EP300: variants seen among roughly 807,000 people sequenced by gnomAD.
The protein encoded by EP300 is histone acetyltransferase p300.
EP300 carries 31 observed loss-of-function variants against 264.0 expected under a neutral mutation model. That is an observed-to-expected ratio of 0.12 (90% CI 0.09 to 0.16). EP300 has a LOEUF of 0.16. Among genes scored for constraint, EP300 ranks in the 10% least tolerant of loss-of-function variants. EP300 has a pLI of 1.00. For missense variants in EP300, 2,766 were observed against 3,052.9 expected (o/e 0.91, Z 2.21); for synonymous variants, 1,340 against 1,045.4 (o/e 1.28, Z -5.44).
At chr22:41,153,681 T>C (rs759012470) in intron 16 of EP300, among the ~76,000 whole-genome samples, 4 of 152,180 alleles carry the variant, frequency 2.6e-5, no homozygotes, top group Non-Finnish European at 4.4e-5. Flanking sequence ...ACCCGGGAGA[T>C]GGAAGGAGGT....
At position 41,162,715 on chromosome 22, in the gene EP300, C is replaced by G; in HGVS notation, c.3672-8C>G. On this transcript the variant is annotated splice_polypyrimidine_tract_variant and splice_region_variant and intron_variant, in intron 20 of 30. Transcript: ENST00000263253. ...CTTTTTCTCATTGTGTCCCTTTTCT[C>G]TCCTTAGTACAATAAATAAAGAACA... The G allele has an allele frequency of 6.2e-7, 1 of 1,607,562 alleles. No individual in the cohort carries two copies. The highest frequency in any genetic ancestry group is 8.5e-7 in the Non-Finnish European group (1 of 1,174,138).
At chr22:41,165,476 TG>T (rs2059129150) in intron 22 of EP300, among the ~76,000 whole-genome samples, 1 of 152,168 alleles carries the variant, frequency 6.6e-6, no homozygotes, top group African/African-American at 2.4e-5. Context: ...CAGGCTGGAG[TG>T]CAGTGGCGCG....
rs1244699705 is a variant in EP300 at position 41,178,273 on chromosome 22, A to C, written c.6562A>C (p.Met2188Leu). ...QFRDILRRQQ[M>L]MQQQQQQGAG... ...CCGAGACATCTTGAGACGACAGCAA[A>C]TGATGCAACAGCAGCAGCAACAGGG... The change falls in exon 31 of 31, where the codon ATG (methionine) becomes CTG (leucine). Residue 2188 changes from methionine (M) to leucine (L), a missense_variant. Transcript: ENST00000263253. The C allele has an allele frequency of 1.2e-6, 2 of 1,613,980 alleles. No individual in the cohort carries two copies. Among genetic ancestry groups the C allele is most frequent in the Non-Finnish European group, 1.7e-6 (2 of 1,180,010 alleles).
Position 41,178,248 on chromosome 22 carries a change from C to A in EP300, c.6537C>A (p.Phe2179Leu). The A allele has an allele frequency of 6.2e-7, 1 of 1,614,144 alleles. No homozygotes were observed. The highest frequency in any genetic ancestry group is 2.2e-5 in the East Asian group (1 of 44,876). ...NMNHNTMPSQ[F>L]RDILRRQQMM... ...ACCACAACACCATGCCTTCACAATTCCGAGACATCTTGAGACGACAGCAAA... is the reference window on the plus strand; with the variant it reads ...ACCACAACACCATGCCTTCACAATTACGAGACATCTTGAGACGACAGCAAA... The change falls in exon 31 of 31, where the codon TTC becomes TTA. Residue 2179 changes from phenylalanine (F) to leucine (L), a missense_variant. Phe to Leu is a conservative substitution (Grantham distance 22, BLOSUM62 0). Transcript: ENST00000263253.
intron 8 of EP300, among the ~76,000 whole-genome samples, chr22:41,139,431 C>A (rs957708964): frequency 2.0e-5 from 3 of 152,134 alleles, no homozygotes; most frequent in African/African-American, 7.2e-5. Flanking sequence ...TTTGACTTTA[C>A]GTTAAAAGTT....
intron 6 of EP300, among the ~76,000 whole-genome samples, chr22:41,132,656 T>G (rs900683638): frequency 2.0e-5 from 3 of 152,086 alleles, no homozygotes; most frequent in Non-Finnish European, 4.4e-5. Flanking sequence ...CAACAGAAAT[T>G]GTGTTTTGAC....
intron 9 of EP300, 142 bp from the exon 10 acceptor site, chr22:41,140,906 A>C: frequency 1.3e-6 from 1 of 755,370 alleles, no homozygotes; most frequent in Non-Finnish European, 2.1e-6. Flanking sequence ...ACATAAGTTG[A>C]ACTTTCCTTT....
At chr22:41,109,213 C>T (rs1343070223) in intron 1 of EP300, among the ~76,000 whole-genome samples, 5 of 148,144 alleles carry the variant, frequency 3.4e-5, no homozygotes, top group Admixed American at 6.8e-5. Flanking sequence ...GTGATCCCGT[C>T]GCTCCACTCC....
At chr22:41,103,718 T>C (rs962543547) in intron 1 of EP300, among the ~76,000 whole-genome samples, 1 of 152,072 alleles carries the variant, frequency 6.6e-6, no homozygotes, top group Non-Finnish European at 1.5e-5. Flanking sequence ...GGTTCTATTG[T>C]GGAAAGAGAA....
At chr22:41,098,423 G>A (rs1174788100) in intron 1 of EP300, among the ~76,000 whole-genome samples, 1 of 152,214 alleles carries the variant, frequency 6.6e-6, no homozygotes, top group East Asian at 1.9e-4. Flanking sequence ...CCAGGCTGGA[G>A]TGCAGTGGCG....
chr22:41,148,356 T>C (rs1013542140), intron 12 of EP300, among the ~76,000 whole-genome samples: 1 of 152,208 alleles, frequency 6.6e-6, no homozygotes, highest in African/African-American at 2.4e-5. Context: ...TGCTGCCCTT[T>C]AGAGTTAGCT....
At chr22:41,133,403 A>C (rs2058931997) in intron 6 of EP300, among the ~76,000 whole-genome samples, 1 of 151,474 alleles carries the variant, frequency 6.6e-6, no homozygotes, top group Non-Finnish European at 1.5e-5. Context: ...TGCCTGCCTC[A>C]ACCTCCCAAA....
intron 23 of EP300, among the ~76,000 whole-genome samples, chr22:41,167,608 AT>A (rs2059145013): frequency 2.8e-5 from 1 of 35,616 alleles, no homozygotes; most frequent in African/African-American, 6.3e-5. Context: ...ATATATATAT[AT>A]ATATATATAT....
At position 41,176,326 on chromosome 22, in the gene EP300, C is replaced by T; in HGVS notation, c.4859C>T (p.Pro1620Leu). 6.2e-7 allele frequency: 1 copy of T among 1,614,224 alleles called. No homozygotes were observed. Among genetic ancestry groups the T allele is most frequent in the Admixed American group, 1.7e-5 (1 of 60,024 alleles). ...ATTGTTGATCCTGATCCTCTCATCCCCTGCGATCTGATGGATGGTCGGGAT... is the reference window on the plus strand; with the variant it reads ...ATTGTTGATCCTGATCCTCTCATCCTCTGCGATCTGATGGATGGTCGGGAT... ...PPIVDPDPLI[P>L]CDLMDGRDAF... Residue 1620 changes from proline to leucine, a missense_variant, in exon 30 of 31, where the codon CCC (proline) becomes CTC (leucine). Coordinates refer to ENST00000263253, the MANE Select transcript of EP300 (RefSeq NM_001429.4).
rs370702933 is a variant in EP300, at chr22:41,178,896, C to G, written c.7185C>G (p.Leu2395=). The G allele has an allele frequency of 6.2e-7, 1 of 1,614,220 alleles. No homozygotes were observed. The highest frequency in any genetic ancestry group is 1.1e-5 in the South Asian group (1 of 91,086). The change falls in exon 31 of 31, where the codon CTC becomes CTG. Residue 2395 remains leucine, a synonymous_variant. Coordinates refer to ENST00000263253, the MANE Select transcript of EP300 (RefSeq NM_001429.4). ...GTGCAAGCGCCACGGACCTGGGACT[C>G]AGCACCGATAACTCAGACTTGAATT... ...LHGASATDLG[L]STDNSDLNSN... is the part of the protein sequence containing the mutation.
chr22:41,167,560 TTG>T (rs71328777), intron 23 of EP300, among the ~76,000 whole-genome samples: 928 of 50,852 alleles, frequency 0.018, 24 homozygotes, highest in African/African-American at 0.035. Flanking sequence ...GTTTATATAT[TTG>T]TGTGTGTGTG....
At chr22:41,116,697 C>T (rs1319812919) in intron 1 of EP300, among the ~76,000 whole-genome samples, 2 of 151,852 alleles carry the variant, frequency 1.3e-5, no homozygotes, top group African/African-American at 4.8e-5. Flanking sequence ...TTGATATAAC[C>T]AAATATCCCC....
At chr22:41,173,355 A>G (rs1236470220) in intron 28 of EP300, among the ~76,000 whole-genome samples, 1 of 152,218 alleles carries the variant, frequency 6.6e-6, no homozygotes, top group Non-Finnish European at 1.5e-5. Context: ...AATCTGGGAT[A>G]CATTCAATCA....
rs545469204 is a variant in EP300 at position 41,140,965 on chromosome 22, C to G, written c.1879-83C>G. ...GCAGCATATAAAATGAAACTAATAT[C>G]TATTCTCAGTTTATTTTTTCTGTTA... On this transcript the variant is annotated intron_variant, in intron 9 of 30. Coordinates refer to ENST00000263253, the MANE Select transcript of EP300 (RefSeq NM_001429.4). 4 of 1,290,642 alleles carry G rather than the reference C, an allele frequency of 3.1e-6. No individual in the cohort carries two copies. In the East Asian group the frequency reaches 9.8e-5, roughly 32 times the overall value. The allele number at this position is 1,290,642 out of a possible 1,614,324, so 79.9% of individuals were successfully genotyped here. A position where few individuals can be genotyped will look rare whatever the true frequency, so the allele number is the denominator to read the frequency against.
Sources: gnomAD v4.1 joint callset for allele counts (sites outside exome capture counted in the v4.1 genomes callset) on GRCh38, gnomAD v4.1.1 for gene constraint, MANE v1.5 for transcripts, NCBI Gene and HGNC (gene_info 2026-07-23, HGNC 2026-07-21) for gene names.